FABP6: variants seen among roughly 807,000 people sequenced by gnomAD.
FABP6 encodes gastrotropin.
FABP6 carries 13 observed loss-of-function variants against 14.9 expected under a neutral mutation model. That is an observed-to-expected ratio of 0.87 (90% CI 0.57 to 1.39). FABP6 has a LOEUF of 1.39. FABP6 is among the 40% of genes most tolerant of loss of function. FABP6 has a pLI of 0.00. For synonymous variants in FABP6, 75 were observed against 63.6 expected, an observed-to-expected ratio of 1.18 and a Z score of -0.85; for missense variants, 161 against 167.2, an observed-to-expected ratio of 0.96 and a Z score of 0.20.
In FABP6 at chr5:160,215,237, G is replaced by T. The variant is rs185191676; in HGVS notation, c.135+1418G>T. ...GGCCATTAAAAGTGATGGTGGGCTAGGCGCAGTGGCTCACACCTGTAATCC... is the reference window on the plus strand; with the variant it reads ...GGCCATTAAAAGTGATGGTGGGCTATGCGCAGTGGCTCACACCTGTAATCC... On this transcript the variant is annotated intron_variant, in intron 3 of 6. Coordinates refer to the FABP6 transcript ENST00000393980. Among the ~76,000 whole-genome samples, 46 of 152,330 alleles carry T rather than the reference G, an allele frequency of 3.0e-4. No homozygotes were observed. The East Asian group carries it at 8.1e-3, about 27-fold the overall frequency.
chr5:160,189,062 G>C (rs974992317), intron 1 of FABP6, among the ~76,000 whole-genome samples: 1 of 152,014 alleles, frequency 6.6e-6, no homozygotes, highest in South Asian at 2.1e-4. Context: ...AAGGGTCAGA[G>C]AGTAAATACT....
chr5:160,213,931 T>C (rs1220249968), intron 3 of FABP6: 2 of 865,270 alleles, frequency 2.3e-6, no homozygotes, highest in East Asian at 2.5e-5. Flanking sequence ...GAGATCCTTC[T>C]GCATTGTTAG....
chr5:160,206,156 G>A (rs553221741), intron 2 of FABP6, among the ~76,000 whole-genome samples: 56 of 152,226 alleles, frequency 3.7e-4, no homozygotes, highest in African/African-American at 1.2e-3. Context: ...AAAGCAGGCT[G>A]GGCGTGGTGG....
chr5:160,205,983 C>A (rs1759757310), intron 2 of FABP6, among the ~76,000 whole-genome samples: 1 of 151,900 alleles, frequency 6.6e-6, no homozygotes, highest in African/African-American at 2.4e-5. Flanking sequence ...TCTTTCTTTT[C>A]TTTTTCTTTC....
chr5:160,213,776 G>C, exon 3 of FABP6: 2 of 1,613,766 alleles, frequency 1.2e-6, no homozygotes, highest in South Asian at 2.2e-5. Flanking sequence ...TGGGTGAGCC[G>C]GAAAGGAGAC....
chr5:160,190,520 C>T (rs1487826622), intron 1 of FABP6, among the ~76,000 whole-genome samples: 1 of 152,202 alleles, frequency 6.6e-6, no homozygotes, highest in Non-Finnish European at 1.5e-5. Context: ...GTGTGAGCCA[C>T]CACGCCCAGC....
Position 160,238,645 on chromosome 5 carries a change from A to G in FABP6, c.373A>G (p.Lys125Glu). The G allele has an allele frequency of 1.9e-6, 3 of 1,614,050 alleles. No homozygotes were observed. The highest frequency in any genetic ancestry group is 2.5e-6 in the Non-Finnish European group (3 of 1,179,914). Residue 125 changes from lysine to glutamate, a missense_variant, in exon 4 of 4, where the codon AAG becomes GAG. Coordinates refer to ENST00000402432, the MANE Select transcript of FABP6 (RefSeq NM_001445.3). Reference protein sequence around the residue: ...IGGVTYERVSKRLA With the variant: ...IGGVTYERVSERLA ...AGGCGTGACCTATGAGCGCGTGAGC[A>G]AGAGACTGGCCTAAGCAGCCAGGCC... is the stretch of plus-strand genomic sequence containing the variant.
At chr5:160,215,210 A>G (rs1183030174) in intron 3 of FABP6, among the ~76,000 whole-genome samples, 3 of 152,168 alleles carry the variant, frequency 2.0e-5, no homozygotes, top group Non-Finnish European at 4.4e-5. Flanking sequence ...GGATTACAAT[A>G]TGGCCATTAA....
At chr5:160,225,940 G>A (rs557841386), upstream of FABP6, among the ~76,000 whole-genome samples, 55 of 152,200 alleles carry the variant, frequency 3.6e-4, no homozygotes, top group African/African-American at 1.2e-3. Context: ...TTGGGAGGCC[G>A]AGGCGAGTGG....
intron 1 of FABP6, among the ~76,000 whole-genome samples, chr5:160,230,009 G>C (rs1319905660): frequency 1.3e-5 from 2 of 150,132 alleles, no homozygotes; most frequent in African/African-American, 4.9e-5. Flanking sequence ...GAGTAGCTGG[G>C]ATTACAGGTG....
At chr5:160,191,971 C>T (rs2113051919) in intron 1 of FABP6, among the ~76,000 whole-genome samples, 1 of 151,430 alleles carries the variant, frequency 6.6e-6, no homozygotes, top group East Asian at 1.9e-4. Flanking sequence ...GAGACTCCAT[C>T]TCAAAAAAAG....
At chr5:160,206,855 G>C (rs1000153812) in intron 2 of FABP6, among the ~76,000 whole-genome samples, 1 of 152,226 alleles carries the variant, frequency 6.6e-6, no homozygotes, top group East Asian at 1.9e-4. Context: ...GCAGCACCTG[G>C]GTCATGGATG....
intron 1 of FABP6, chr5:160,187,531 G>C (rs575359468): frequency 1.3e-5 from 2 of 152,208 alleles, no homozygotes; most frequent in Admixed American, 6.6e-5. Context: ...GTGGGGGTTG[G>C]GGGGGAGCTC....
chr5:160,230,334 T>A (rs905557773), intron 1 of FABP6, among the ~76,000 whole-genome samples: 3 of 152,124 alleles, frequency 2.0e-5, no homozygotes, highest in Non-Finnish European at 2.9e-5. Flanking sequence ...AGAGATTTGA[T>A]GTTTATTTAG....
At chr5:160,231,756 T>C (rs1359811018) in intron 1 of FABP6, among the ~76,000 whole-genome samples, 1 of 152,168 alleles carries the variant, frequency 6.6e-6, no homozygotes, top group African/African-American at 2.4e-5. Context: ...ATATTTATAT[T>C]ACTATCAGAA....
chr5:160,210,832 A>G (rs1357212309), intron 2 of FABP6, among the ~76,000 whole-genome samples: 1 of 152,240 alleles, frequency 6.6e-6, no homozygotes, highest in Non-Finnish European at 1.5e-5. Context: ...GCAGAATTAC[A>G]CACCGCATTA....
At chr5:160,213,949 G>T in intron 3 of FABP6, 1 of 739,064 alleles carries the variant, frequency 1.4e-6, no homozygotes, top group Non-Finnish European at 2.3e-6. Flanking sequence ...TAGAATATTA[G>T]GTTGCACCAT....
intron 3 of FABP6, among the ~76,000 whole-genome samples, chr5:160,217,487 G>A (rs1006983446): frequency 2.0e-5 from 3 of 152,176 alleles, no homozygotes; most frequent in Non-Finnish European, 4.4e-5. Context: ...ACAGAGCATC[G>A]TGGAAGCTGC....
Position 160,238,606 on chromosome 5 carries a change from G to A in FABP6, c.334G>A (p.Val112Ile), listed in dbSNP as rs759708934. The A allele has an allele frequency of 1.9e-6, 3 of 1,613,894 alleles. No individual in the cohort carries two copies. In the South Asian group the frequency reaches 3.3e-5, roughly 18 times the overall value. The change falls in exon 4 of 4, where the codon GTC becomes ATC. Residue 112 changes from valine to isoleucine, a missense_variant and splice_region_variant. By Grantham distance (29) the Val-to-Ile change is conservative. Coordinates refer to ENST00000402432, the MANE Select transcript of FABP6 (RefSeq NM_001445.3). ...SEIVGDKLVE[V>I]STIGGVTYER... ...CCTCTGTCCCGGCTGCTTCTTTCAG[G>A]TCTCCACCATCGGAGGCGTGACCTA...
Sources: allele counts gnomAD v4.1 joint callset (sites outside exome capture counted in the v4.1 genomes callset), GRCh38; gene constraint gnomAD v4.1.1; transcripts MANE v1.5; gene names NCBI Gene and HGNC (gene_info 2026-07-23, HGNC 2026-07-21).